GLIS1: variants seen among roughly 807,000 people sequenced by gnomAD.
The protein encoded by GLIS1 is zinc finger protein GLIS1.
Under a neutral mutation model 63.8 loss-of-function variants are expected in GLIS1, and 24 were observed. The ratio of observed to expected loss-of-function variants is 0.38; its 90% CI spans 0.27 to 0.53. GLIS1 has a LOEUF of 0.53. Among genes scored for constraint, GLIS1 ranks in the 20% least tolerant of loss-of-function variants. The pLI is 0.85. For synonymous variants in GLIS1, 450 were observed against 482.5 expected, an observed-to-expected ratio of 0.93 and a Z score of 0.88; for missense variants, 1,036 against 1,074.1, an observed-to-expected ratio of 0.96 and a Z score of 0.50.
intron 2 of GLIS1, among the ~76,000 whole-genome samples, chr1:53,664,571 T>A (rs77279415): frequency 0.021 from 3,266 of 152,330 alleles, 35 homozygotes; most frequent in Non-Finnish European, 0.029. Context: ...TTCTACTATG[T>A]GCCAGGCACC....
intron 2 of GLIS1, among the ~76,000 whole-genome samples, chr1:53,668,235 T>G (rs573949018): frequency 2.4e-4 from 36 of 152,370 alleles, no homozygotes; most frequent in Admixed American, 1.9e-3. Context: ...CAAGAGTCAC[T>G]ACATACACAT....
At chr1:53,691,610 G>C (rs72660653) in intron 2 of GLIS1, among the ~76,000 whole-genome samples, 40,450 of 151,522 alleles carry the variant, frequency 0.27, 5,979 homozygotes, top group African/African-American at 0.41. Context: ...CCCAACAACC[G>C]CCTCGCCTGG....
At chr1:53,730,838 T>G (rs1646852851) in intron 2 of GLIS1, among the ~76,000 whole-genome samples, 1 of 151,950 alleles carries the variant, frequency 6.6e-6, no homozygotes, top group African/African-American at 2.4e-5. Flanking sequence ...TCTAGCTCAT[T>G]CATCATTTGA....
intron 2 of GLIS1, among the ~76,000 whole-genome samples, chr1:53,635,076 C>CT (rs1201362133): frequency 1.3e-5 from 2 of 151,136 alleles, no homozygotes; most frequent in Non-Finnish European, 2.9e-5. Context: ...TTTTTTAATT[C>CT]TTTTTTCAAG....
chr1:53,544,470 G>A (rs553532527), intron 4 of GLIS1, among the ~76,000 whole-genome samples: 7 of 152,164 alleles, frequency 4.6e-5, no homozygotes, highest in African/African-American at 1.2e-4. Flanking sequence ...TAGGCTGGCC[G>A]TTGCTCCCAG....
intron 2 of GLIS1, among the ~76,000 whole-genome samples, chr1:53,664,736 T>C (rs539808110): frequency 5.9e-5 from 9 of 152,276 alleles, no homozygotes; most frequent in African/African-American, 2.2e-4. Context: ...GCAAGGAAGC[T>C]GGGGCCTGGG....
intron 4 of GLIS1, among the ~76,000 whole-genome samples, chr1:53,563,777 G>A (rs1644912107): frequency 6.6e-6 from 1 of 152,150 alleles, no homozygotes. Flanking sequence ...GACTATCACA[G>A]AAGTAGAAGA....
chr1:53,652,630 A>G (rs1217193324), intron 2 of GLIS1, among the ~76,000 whole-genome samples: 1 of 152,182 alleles, frequency 6.6e-6, no homozygotes, highest in Non-Finnish European at 1.5e-5. Context: ...GGAGCAGACC[A>G]CAACTCAGTG....
chr1:53,576,071 C>G (rs1419127663), intron 4 of GLIS1, among the ~76,000 whole-genome samples: 1 of 152,064 alleles, frequency 6.6e-6, no homozygotes, highest in Non-Finnish European at 1.5e-5. Flanking sequence ...ACCTCAGATG[C>G]CCACCGCCCC....
intron 4 of GLIS1, among the ~76,000 whole-genome samples, chr1:53,530,216 A>G (rs1288950493): frequency 6.6e-6 from 1 of 152,104 alleles, no homozygotes; most frequent in African/African-American, 2.4e-5. Context: ...CCAGTTCTGG[A>G]CCCGAAAGGC....
In GLIS1 at chr1:53,700,587, A is replaced by C. The variant is rs1646513167; in HGVS notation, c.259+37219T>G. 2.0e-5 allele frequency among the ~76,000 whole-genome samples: 3 copies of C among 152,188 alleles called. No homozygotes were observed. In the South Asian group the frequency reaches 6.2e-4, roughly 32 times the overall value. ...AAGGGGTGGAGGGGTCAGATCCTGCAGGAGTTTGGTTTTTTGCTCTTCTTT... is the reference window on the plus strand; with the variant it reads ...AAGGGGTGGAGGGGTCAGATCCTGCCGGAGTTTGGTTTTTTGCTCTTCTTT... On this transcript the variant is annotated intron_variant, in intron 2 of 10. Coordinates refer to ENST00000628545, the MANE Select transcript of GLIS1 (RefSeq NM_001367484.1).
At chr1:53,669,012 C>G (rs117242288) in intron 2 of GLIS1, among the ~76,000 whole-genome samples, 2 of 152,274 alleles carry the variant, frequency 1.3e-5, no homozygotes, top group East Asian at 3.9e-4. Context: ...GCGCTCCTAA[C>G]CCCCACATGA....
At chr1:53,632,190 TGA>T (rs943981971) in intron 2 of GLIS1, among the ~76,000 whole-genome samples, 6 of 132,402 alleles carry the variant, frequency 4.5e-5, no homozygotes, top group East Asian at 2.4e-4. Context: ...AATGAGTGAC[TGA>T]GGGGGCAAGT....
intron 2 of GLIS1, among the ~76,000 whole-genome samples, chr1:53,701,998 G>GCAAAAAAAA (rs1646528005): frequency 1.8e-5 from 1 of 56,296 alleles, no homozygotes; most frequent in Non-Finnish European, 4.0e-5. Flanking sequence ...ACCTAAAAAA[G>GCAAAAAAAA]AAAAAAAAAA....
At chr1:53,557,982 G>T (rs1283362608) in intron 4 of GLIS1, among the ~76,000 whole-genome samples, 2 of 152,210 alleles carry the variant, frequency 1.3e-5, no homozygotes, top group African/African-American at 2.4e-5. Context: ...CATTAGGGGA[G>T]CCCCAAATCA....
chr1:53,565,150 A>G (rs533346524), intron 4 of GLIS1, among the ~76,000 whole-genome samples: 30 of 152,206 alleles, frequency 2.0e-4, no homozygotes, highest in Non-Finnish European at 3.5e-4. Context: ...TCAAAACATT[A>G]TAATGGGTAT....
At chr1:53,620,777 C>T (rs760468479) in intron 2 of GLIS1, among the ~76,000 whole-genome samples, 27 of 152,162 alleles carry the variant, frequency 1.8e-4, no homozygotes, top group Non-Finnish European at 2.6e-4. Flanking sequence ...TGGAGGCAGC[C>T]GATGGAGGAC....
chr1:53,584,341 C>A (rs1645113414), intron 4 of GLIS1, among the ~76,000 whole-genome samples: 1 of 152,162 alleles, frequency 6.6e-6, no homozygotes, highest in African/African-American at 2.4e-5. Context: ...CACCTATGTT[C>A]CCCACAAGGT....
rs542743733 is a variant in GLIS1 at position 53,509,192 on chromosome 1, C to G, written c.2158G>C (p.Gly720Arg). 1 of 1,600,112 alleles carries G rather than the reference C, an allele frequency of 6.2e-7. No homozygotes were observed. Among genetic ancestry groups the G allele is most frequent in the Non-Finnish European group, 8.5e-7 (1 of 1,174,032 alleles). ...EPAAGGDGLV[G>R]ETHGFNPLRP... ...AGGGGGTTGAAACCGTGGGTCTCCC[C>G]GACCAGTCCGTCCCCACCGGCTGCT... Residue 720 changes from glycine to arginine, a missense_variant, in exon 10 of 11, where the codon GGG becomes CGG. Physicochemically the swap from Gly to Arg is moderately radical, Grantham distance 125 (BLOSUM62 -2). Coordinates refer to ENST00000628545, the MANE Select transcript of GLIS1 (RefSeq NM_001367484.1).
Sources: allele counts gnomAD v4.1 joint callset (sites outside exome capture counted in the v4.1 genomes callset), GRCh38; gene constraint gnomAD v4.1.1; transcripts MANE v1.5; gene names NCBI Gene and HGNC (gene_info 2026-07-23, HGNC 2026-07-21).